Variants in NUDT3 observed in about 807,000 individuals in gnomAD.
NUDT3 encodes diphosphoinositol polyphosphate phosphohydrolase 1.
In NUDT3, 9 loss-of-function variants were observed where a neutral mutation model predicts 23.6. The ratio of observed to expected loss-of-function variants is 0.38; its 90% confidence interval spans 0.23 to 0.66. The LOEUF is 0.66. Among genes scored for constraint, NUDT3 ranks in the 30% least tolerant of loss-of-function variants. NUDT3 has a pLI of 0.52. For synonymous variants in NUDT3, 86 were observed against 82.6 expected (o/e 1.04, Z -0.22); for missense variants, 172 against 218.5 (o/e 0.79, Z 1.34).
chr6:34,304,793 T>A (rs913500272), intron 2 of NUDT3, among the ~76,000 whole-genome samples: 1 of 151,318 alleles, frequency 6.6e-6, no homozygotes, highest in Non-Finnish European at 1.5e-5. Flanking sequence ...CCTGAGTAGC[T>A]GGGACAACAG....
At chr6:34,293,166 G>C (rs191912651) in intron 4 of NUDT3, among the ~76,000 whole-genome samples, 2 of 152,220 alleles carry the variant, frequency 1.3e-5, no homozygotes, top group East Asian at 3.9e-4. Flanking sequence ...AAGCACAAAT[G>C]ATCTTCCTGC....
At chr6:34,369,944 T>A (rs1358071943) in intron 1 of NUDT3, among the ~76,000 whole-genome samples, 1 of 152,174 alleles carries the variant, frequency 6.6e-6, no homozygotes, top group Admixed American at 6.6e-5. Context: ...AATCTGAGGT[T>A]TCCCAGAGGC....
At chr6:34,332,026 C>T (rs138995544) in intron 2 of NUDT3, among the ~76,000 whole-genome samples, 1 of 152,182 alleles carries the variant, frequency 6.6e-6, no homozygotes, top group African/African-American at 2.4e-5. Context: ...AGGTATGTGT[C>T]AACACGCCCA....
chr6:34,348,732 C>A (rs1031608940), intron 1 of NUDT3, among the ~76,000 whole-genome samples: 6 of 151,754 alleles, frequency 4.0e-5, no homozygotes, highest in African/African-American at 1.5e-4. Flanking sequence ...GCCAAGATCG[C>A]GCCACTGTAC....
rs574768313 is a variant in NUDT3, at chr6:34,376,289, G to A, written c.99+15975C>T. Among the ~76,000 whole-genome samples, 263 of 151,370 alleles carry A rather than the reference G, an allele frequency of 1.7e-3. 1 individual carries two copies. Among genetic ancestry groups the A allele is most frequent in the African/African-American group, 6.1e-3 (250 of 41,254 alleles). ...TGAGACAGGGTCTCACTCTGTCACC[G>A]AGGCTGGAGTGCAGTGGCACTATCA... On this transcript the variant is annotated intron_variant, in intron 1 of 4. Coordinates refer to ENST00000607016, the MANE Select transcript of NUDT3 (RefSeq NM_006703.4).
intron 1 of NUDT3, among the ~76,000 whole-genome samples, chr6:34,345,037 T>G (rs532829318): frequency 6.6e-6 from 1 of 151,354 alleles, no homozygotes; most frequent in East Asian, 2.0e-4. Flanking sequence ...GCAATCACAG[T>G]TTTTTGTTTT....
intron 1 of NUDT3, among the ~76,000 whole-genome samples, chr6:34,388,894 G>A (rs114573903): frequency 0.011 from 1,615 of 152,128 alleles, 28 homozygotes; most frequent in African/African-American, 0.037. Flanking sequence ...ATGATTCCTC[G>A]GCTCATTAGC....
chr6:34,368,893 C>G (rs1216628492), intron 1 of NUDT3, among the ~76,000 whole-genome samples: 1 of 152,182 alleles, frequency 6.6e-6, no homozygotes, highest in Non-Finnish European at 1.5e-5. Context: ...CTGCCTCGGC[C>G]TCCCAAAGTG....
At chr6:34,319,901 G>A (rs1422498176) in intron 2 of NUDT3, among the ~76,000 whole-genome samples, 4 of 152,188 alleles carry the variant, frequency 2.6e-5, no homozygotes, top group African/African-American at 9.7e-5. Flanking sequence ...TCTGAGGCCT[G>A]CTCCTGAGGC....
At chr6:34,311,249 G>C (rs913368586) in intron 2 of NUDT3, among the ~76,000 whole-genome samples, 1 of 152,102 alleles carries the variant, frequency 6.6e-6, no homozygotes, top group Non-Finnish European at 1.5e-5. Flanking sequence ...CAAGATACAA[G>C]GGTAATGTAC....
intron 2 of NUDT3, among the ~76,000 whole-genome samples, chr6:34,322,366 G>A (rs1763956985): frequency 1.3e-5 from 2 of 152,012 alleles, no homozygotes; most frequent in Admixed American, 1.3e-4. Flanking sequence ...GAGTAGCTGG[G>A]CTATAGGCAC....
chr6:34,355,720 C>A (rs1663863278), intron 1 of NUDT3, among the ~76,000 whole-genome samples: 1 of 149,900 alleles, frequency 6.7e-6, no homozygotes, highest in Non-Finnish European at 1.5e-5. Flanking sequence ...GAGGGTTTAA[C>A]TACAAATTCA....
chr6:34,297,739 ATATATATATATATATATATAAT>A (rs1561898970), intron 2 of NUDT3, among the ~76,000 whole-genome samples: 9 of 99,146 alleles, frequency 9.1e-5, no homozygotes, highest in Non-Finnish European at 1.7e-4. Context: ...AAATATATAT[ATATATATATATATATATATAAT>A]TTTTTTTTTT....
intron 1 of NUDT3, among the ~76,000 whole-genome samples, chr6:34,357,247 C>G (rs1462092082): frequency 6.6e-6 from 1 of 152,056 alleles, no homozygotes; most frequent in Non-Finnish European, 1.5e-5. Flanking sequence ...ACAGTTGAAG[C>G]TGACTGAGGA....
intron 1 of NUDT3, among the ~76,000 whole-genome samples, chr6:34,354,107 A>T (rs1362542794): frequency 6.6e-6 from 1 of 151,384 alleles, no homozygotes; most frequent in African/African-American, 2.4e-5. Flanking sequence ...TAGTAGAGAC[A>T]GGGTTTCACC....
At chr6:34,337,037 A>G (rs1764218553) in intron 2 of NUDT3, among the ~76,000 whole-genome samples, 1 of 152,228 alleles carries the variant, frequency 6.6e-6, no homozygotes. Flanking sequence ...TTCTCTGTTG[A>G]TAAAACTGGA....
intron 2 of NUDT3, among the ~76,000 whole-genome samples, chr6:34,329,574 C>T (rs768730914): frequency 1.3e-5 from 2 of 152,070 alleles, no homozygotes; most frequent in Non-Finnish European, 2.9e-5. Flanking sequence ...AACCACCGTG[C>T]CCAGTCAAGA....
At chr6:34,376,414 G>A (rs369479142) in intron 1 of NUDT3, among the ~76,000 whole-genome samples, 2 of 152,172 alleles carry the variant, frequency 1.3e-5, no homozygotes, top group South Asian at 4.2e-4. Flanking sequence ...GAGTAACTGG[G>A]ACTACAGGCA....
At chr6:34,325,410 TTTG>T (rs1279505094) in intron 2 of NUDT3, among the ~76,000 whole-genome samples, 10 of 152,126 alleles carry the variant, frequency 6.6e-5, no homozygotes, top group South Asian at 2.1e-4. Flanking sequence ...AAGGTCTCCC[TTTG>T]TTGCCTAGGC....
Sources: gnomAD v4.1 joint callset for allele counts (sites outside exome capture counted in the v4.1 genomes callset) on GRCh38, gnomAD v4.1.1 for gene constraint, MANE v1.5 for transcripts, NCBI Gene and HGNC (gene_info 2026-07-23, HGNC 2026-07-21) for gene names.